Variants in TANC2 observed in about 807,000 individuals in gnomAD.
TANC2 encodes protein TANC2.
A neutral mutation model predicts 210.5 loss-of-function variants in TANC2; 26 were observed. The ratio of observed to expected loss-of-function variants is 0.12; its 90% CI spans 0.09 to 0.17. The LOEUF is 0.17. Among genes scored for constraint, TANC2 ranks in the 10% least tolerant of loss-of-function variants. The probability of loss-of-function intolerance (pLI) is 1.00; values close to 1 mark genes in which losing one functional copy is unlikely to be tolerated. For missense variants in TANC2, 2,129 were observed against 2,608.9 expected (o/e 0.82, Z 4.01); for synonymous variants, 931 against 967.1 (o/e 0.96, Z 0.69).
chr17:63,022,929 C>A (rs567968853), intron 2 of TANC2, among the ~76,000 whole-genome samples: 2 of 152,326 alleles, frequency 1.3e-5, no homozygotes, highest in Admixed American at 1.3e-4. Context: ...TGCCACAGCT[C>A]CAGAGGACGC....
chr17:62,992,179 G>A (rs1327878930), intron 1 of TANC2, among the ~76,000 whole-genome samples: 4 of 152,144 alleles, frequency 2.6e-5, no homozygotes, highest in African/African-American at 9.7e-5. Flanking sequence ...TATCCATAGG[G>A]TGAGTGTATG....
chr17:63,081,678 A>G (rs1415292134), intron 3 of TANC2, among the ~76,000 whole-genome samples: 1 of 152,206 alleles, frequency 6.6e-6, no homozygotes, highest in Non-Finnish European at 1.5e-5. Flanking sequence ...TCAGATTTGC[A>G]AAGTGATTAT....
chr17:63,333,082 C>T (rs1016493424), intron 11 of TANC2, among the ~76,000 whole-genome samples: 12 of 152,212 alleles, frequency 7.9e-5, no homozygotes, highest in Admixed American at 2.0e-4. Context: ...TCTGCTAACA[C>T]AACATTCTTT....
intron 1 of TANC2, among the ~76,000 whole-genome samples, chr17:62,992,970 T>A (rs1480120728): frequency 6.6e-6 from 1 of 152,230 alleles, no homozygotes; most frequent in Non-Finnish European, 1.5e-5. Context: ...GGAGAGAATC[T>A]GTTTTTTACC....
intron 1 of TANC2, among the ~76,000 whole-genome samples, chr17:63,000,843 T>C (rs917603836): frequency 1.3e-5 from 2 of 152,124 alleles, no homozygotes; most frequent in African/African-American, 2.4e-5. Context: ...TATTTTATTA[T>C]GATCAGTTTT....
At chr17:62,982,964 C>A (rs576362069) in intron 1 of TANC2, among the ~76,000 whole-genome samples, 1 of 152,170 alleles carries the variant, frequency 6.6e-6, no homozygotes, top group South Asian at 2.1e-4. Context: ...TGATTCCATG[C>A]GAATTTTAGG....
At chr17:63,359,781 T>C (rs1490679120) in intron 14 of TANC2, among the ~76,000 whole-genome samples, 2 of 152,186 alleles carry the variant, frequency 1.3e-5, no homozygotes, top group Admixed American at 1.3e-4. Context: ...GGGAGCCTAA[T>C]TTGGTTTGAC....
intron 14 of TANC2, among the ~76,000 whole-genome samples, chr17:63,374,328 A>G (rs922459401): frequency 3.9e-5 from 6 of 152,108 alleles, no homozygotes; most frequent in Non-Finnish European, 7.4e-5. Flanking sequence ...GTGAGCCATC[A>G]TGCCTGGGTA....
chr17:63,129,480 C>CT (rs1041359047), intron 4 of TANC2, among the ~76,000 whole-genome samples: 8 of 152,166 alleles, frequency 5.3e-5, no homozygotes, highest in African/African-American at 1.9e-4. Context: ...ATGTCAAGTG[C>CT]TTAGCAATGT....
At chr17:63,262,450 T>C (rs1056398595) in intron 8 of TANC2, among the ~76,000 whole-genome samples, 2 of 152,266 alleles carry the variant, frequency 1.3e-5, no homozygotes, top group South Asian at 4.1e-4. Context: ...TCAGCCTTCT[T>C]AGTAGCTGGG....
intron 12 of TANC2, among the ~76,000 whole-genome samples, chr17:63,346,837 C>T (rs995561648): frequency 6.6e-6 from 1 of 151,980 alleles, no homozygotes; most frequent in South Asian, 2.1e-4. Context: ...TCTGAGTAAC[C>T]GGGGGCTACA....
At chr17:63,409,336 C>T (rs2048615845) in intron 21 of TANC2, among the ~76,000 whole-genome samples, 1 of 151,922 alleles carries the variant, frequency 6.6e-6, no homozygotes, top group Non-Finnish European at 1.5e-5. Flanking sequence ...AGGCTCACAC[C>T]ACCACCACAC....
intron 16 of TANC2, 94 bp from the exon 17 acceptor site, chr17:63,389,214 C>A: frequency 1.1e-6 from 1 of 912,668 alleles, no homozygotes; most frequent in Non-Finnish European, 1.7e-6. Context: ...TGCTACTAGA[C>A]ACTGTTGTAG....
At chr17:63,411,794 G>C in intron 22 of TANC2, 108 bp downstream of exon 22, 9 of 1,446,708 alleles carry the variant, frequency 6.2e-6, no homozygotes, top group Non-Finnish European at 6.5e-6. Context: ...CTGATACAGA[G>C]CTCTCAGATC....
chr17:62,972,150 CAA>C (rs970901176), intron 1 of TANC2, among the ~76,000 whole-genome samples: 2 of 151,880 alleles, frequency 1.3e-5, no homozygotes, highest in African/African-American at 4.8e-5. Context: ...TTTCTGGAAA[CAA>C]ATTTATTAGG....
rs375544808 is a variant in TANC2, at chr17:63,421,705, A to G, written c.5975A>G (p.Asn1992Ser). The G allele has an allele frequency of 3.7e-6, 6 of 1,613,876 alleles. No homozygotes were observed. In the African/African-American group the frequency reaches 4.0e-5, roughly 11 times the overall value. Reference sequence around the variant, plus strand: ...ATTGCCTTTTATAACAAAACCAACAATGCACAGAATGGCCATTTGCTGGAG... The same window carrying G: ...ATTGCCTTTTATAACAAAACCAACAGTGCACAGAATGGCCATTTGCTGGAG... The change falls in exon 28 of 28, where the codon AAT becomes AGT. Residue 1992 changes from asparagine (N) to serine (S), a missense_variant. Transcript: ENST00000689528. This position sits in a 1 kb window ranked among gnomAD's most constrained non-coding sequence, Gnocchi z 6.9.
intron 4 of TANC2, among the ~76,000 whole-genome samples, chr17:63,129,487 A>G (rs2038838999): frequency 1.3e-5 from 2 of 152,162 alleles, no homozygotes; most frequent in Non-Finnish European, 2.9e-5. Flanking sequence ...GTGCTTAGCA[A>G]TGTGCTTAAC....
intron 8 of TANC2, among the ~76,000 whole-genome samples, chr17:63,266,437 AT>A (rs2043528529): frequency 6.6e-6 from 1 of 152,186 alleles, no homozygotes; most frequent in Admixed American, 6.5e-5. Flanking sequence ...CCCAATGTCA[AT>A]CATCATAAAC....
intron 5 of TANC2, among the ~76,000 whole-genome samples, chr17:63,183,506 T>C (rs2040863824): frequency 1.3e-5 from 2 of 152,212 alleles, no homozygotes; most frequent in South Asian, 2.1e-4. Flanking sequence ...AATGTTAAGC[T>C]GAAATTTAAA....
Sources: gnomAD v4.1 joint callset for allele counts (sites outside exome capture counted in the v4.1 genomes callset) on GRCh38, gnomAD v4.1.1 for gene constraint, Gnocchi (gnomAD v3.1) non-coding constraint, MANE v1.5 for transcripts, NCBI Gene and HGNC (gene_info 2026-07-23, HGNC 2026-07-21) for gene names.